Variants in TNN observed in about 807,000 individuals in gnomAD.
TNN encodes the protein tenascin N, also known as tenascin-N.
TNN carries 122 observed loss-of-function variants against 134.4 expected under a neutral mutation model. The ratio of observed to expected loss-of-function variants is 0.91; its 90% CI spans 0.78 to 1.06. The LOEUF (loss-of-function observed/expected upper bound fraction) is 1.06. TNN is among the 50% of genes least tolerant of loss of function. The pLI, the probability that TNN is intolerant of heterozygous loss-of-function variation, is 0.00. For missense variants in TNN, 1,739 were observed against 1,699.4 expected (o/e 1.02, Z -0.41); for synonymous variants, 710 against 670.3 (o/e 1.06, Z -0.91).
rs1393772538 is a variant in TNN, at chr1:175,146,798, TTCTC to T, written c.3760-128_3760-125del. ...CCTCCCTTCTCATCACCCCGTCTCT[TTCTC>T]TCTCCTGAGCAGAGAGGGAGTGGTT... On this transcript the variant is annotated intron_variant, in intron 18 of 18. Transcript: ENST00000239462. The T allele has an allele frequency of 1.1e-5, 9 of 854,414 alleles. No individual in the cohort carries two copies. In the East Asian group the frequency reaches 1.2e-4, roughly 12 times the overall value. 52.9% of individuals were successfully genotyped at this position (854,414 alleles called of 1,614,324 possible).
chr1:175,083,891 C>T lies in TNN; in HGVS notation c.1190C>T (p.Thr397Ile), dbSNP rs780634544. The change falls in exon 5 of 19, where the codon ACT becomes ATT. Residue 397 changes from threonine to isoleucine, a missense_variant. By Grantham distance (89) the Thr-to-Ile change is moderately conservative. Transcript: ENST00000239462. ...ACAGGACAGGAGGTAGCTGAGGTCA[C>T]TGTGCCCAAGAGCAGTGACCCCAAG... is the stretch of plus-strand genomic sequence containing the variant. ...PMTGQEVAEVTVPKSSDPKSR... is the reference protein window; with the variant it reads ...PMTGQEVAEVIVPKSSDPKSR... 5 of 1,614,158 alleles carry T rather than the reference C, an allele frequency of 3.1e-6. No individual in the cohort carries two copies. In the Admixed American group the frequency reaches 5.0e-5, roughly 16 times the overall value.
intron 18 of TNN, among the ~76,000 whole-genome samples, chr1:175,145,618 G>A (rs1676046347): frequency 7.1e-6 from 1 of 140,870 alleles, no homozygotes; most frequent in African/African-American, 2.6e-5. Context: ...AGTCTTTTGT[G>A]CCTTAGGTCA....
At position 175,079,522 on chromosome 1, in the gene TNN, C is replaced by A. The variant is rs775730066; in HGVS notation, c.599C>A (p.Pro200Gln). 1 of 1,563,248 alleles carries A rather than the reference C, an allele frequency of 6.4e-7. No individual in the cohort carries two copies. Among genetic ancestry groups the A allele is most frequent in the South Asian group, 1.2e-5 (1 of 85,796 alleles). ...EPYVGADCGYPACPENCSGHG... is the reference protein window; with the variant it reads ...EPYVGADCGYQACPENCSGHG... ...TACGTGGGTGCCGACTGCGGCTACC[C>A]GGCCTGCCCTGAGAACTGCAGCGGA... Residue 200 changes from proline (P) to glutamine (Q), a missense_variant, in exon 3 of 19, where the codon CCG (proline) becomes CAG (glutamine). Pro to Gln is a moderately conservative substitution (Grantham distance 76). Transcript: ENST00000239462.
intron 15 of TNN, among the ~76,000 whole-genome samples, chr1:175,130,340 A>C (rs1263759806): frequency 6.6e-6 from 1 of 152,234 alleles, no homozygotes. Flanking sequence ...GCACAGCGAC[A>C]TCTGACGGTT....
Position 175,144,417 on chromosome 1 carries a change from A to C in TNN, c.3626A>C (p.Lys1209Thr). Residue 1209 changes from lysine (K) to threonine (T), a missense_variant, in exon 18 of 19, where the codon AAG (lysine) becomes ACG (threonine). By Grantham distance (78) the Lys-to-Thr change is moderately conservative. Transcript: ENST00000239462. ...GCTCTTACTTACCACAATGGATGGAAGTTTACAACTTTTGACAGAGACAAT... is the reference window on the plus strand; with the variant it reads ...GCTCTTACTTACCACAATGGATGGACGTTTACAACTTTTGACAGAGACAAT... ...GDALTYHNGW[K>T]FTTFDRDNDI... 6.2e-7 allele frequency: 1 copy of C among 1,614,142 alleles called. No homozygotes were observed.
intron 15 of TNN, among the ~76,000 whole-genome samples, chr1:175,132,366 A>G (rs1675697249): frequency 6.6e-6 from 1 of 152,206 alleles, no homozygotes; most frequent in Non-Finnish European, 1.5e-5. Context: ...ACATCTGTCA[A>G]ATGGCATCAT....
Position 175,094,014 on chromosome 1 carries a change from T to A in TNN, c.1349T>A (p.Val450Asp). 1.2e-6 allele frequency: 2 copies of A among 1,606,900 alleles called. No homozygotes were observed. Among genetic ancestry groups the A allele is most frequent in the Non-Finnish European group, 1.7e-6 (2 of 1,174,416 alleles). ...RTEIDSPTNV[V>D]TDRVTEDTAT... ...GAAATTGACAGTCCAACCAATGTTG[T>A]CACTGATCGAGTGACTGAAGACACA... The change falls in exon 7 of 19, where the codon GTC becomes GAC. Residue 450 changes from valine to aspartate, a missense_variant. Coordinates refer to ENST00000239462, the MANE Select transcript of TNN (RefSeq NM_022093.2).
intron 6 of TNN, among the ~76,000 whole-genome samples, chr1:175,092,008 G>C (rs780634697): frequency 6.6e-6 from 1 of 152,192 alleles, no homozygotes; most frequent in Non-Finnish European, 1.5e-5. Flanking sequence ...TGGGGTGGGA[G>C]GCACTGCTGG....
Position 175,097,534 on chromosome 1 carries a change from A to C in TNN, c.1706A>C (p.Asp569Ala). The part of the protein sequence containing the change: ...DKYVVRYTSA[D>A]DQETREVLVG... The stretch of plus-strand genomic sequence containing the variant: ...TACGTGGTGCGCTACACCTCTGCTG[A>C]CGACCAAGAGACCAGAGAGGTTCTG... Residue 569 changes from aspartate to alanine, a missense_variant, in exon 8 of 19, where the codon GAC becomes GCC. Asp to Ala is a moderately radical substitution (Grantham distance 126, BLOSUM62 -2). Transcript: ENST00000239462. 6.2e-7 allele frequency: 1 copy of C among 1,614,154 alleles called. No homozygotes were observed. The highest frequency in any genetic ancestry group is 8.5e-7 in the Non-Finnish European group (1 of 1,180,034).
At chr1:175,146,168 G>C (rs1444711558) in intron 18 of TNN, among the ~76,000 whole-genome samples, 1 of 152,172 alleles carries the variant, frequency 6.6e-6, no homozygotes, top group Non-Finnish European at 1.5e-5. Flanking sequence ...TGGTGGCAGC[G>C]TGTGGGCTGA....
rs1310751546 is a variant in TNN at position 175,128,040 on chromosome 1, GC to G, written c.3055del (p.Leu1019TrpfsTer119). On this transcript the variant is annotated frameshift_variant, in exon 14 of 19. Coordinates refer to ENST00000239462, the MANE Select transcript of TNN (RefSeq NM_022093.2). LOFTEE classifies it high-confidence loss of function. ...TCTCCCTTGTTTGGTAGGAGATGCA[GC>G]TGGGACGGGAAGACCAGAGGTTTGC... is the stretch of plus-strand genomic sequence containing the variant. ...FPDGTVKEMQ[L>X]GREDQRFALQ... 1 of 1,614,160 alleles carries G rather than the reference GC, an allele frequency of 6.2e-7. No individual in the cohort carries two copies. The highest frequency in any genetic ancestry group is 1.1e-5 in the South Asian group (1 of 91,086).
intron 11 of TNN, among the ~76,000 whole-genome samples, chr1:175,120,257 T>C (rs946708795): frequency 6.6e-6 from 1 of 152,160 alleles, no homozygotes; most frequent in Admixed American, 6.5e-5. Context: ...AGAGTGAAGA[T>C]AGACAATAAA....
At chr1:175,081,850 G>A (rs1437246160) in intron 4 of TNN, among the ~76,000 whole-genome samples, 1 of 152,202 alleles carries the variant, frequency 6.6e-6, no homozygotes, top group African/African-American at 2.4e-5. Flanking sequence ...ATTGGGTGCT[G>A]TCAAGAAGTG....
chr1:175,141,863 TC>T (rs1675951472), intron 17 of TNN, among the ~76,000 whole-genome samples: 1 of 152,182 alleles, frequency 6.6e-6, no homozygotes. Flanking sequence ...TAGGATGGCT[TC>T]AGTTTCTAGA....
chr1:175,094,591 C>A (rs1674528376), intron 7 of TNN, among the ~76,000 whole-genome samples: 1 of 152,152 alleles, frequency 6.6e-6, no homozygotes, highest in Non-Finnish European at 1.5e-5. Flanking sequence ...ATGCTTATCT[C>A]AGTTTGCAGT....
rs779865420 is a variant in TNN at position 175,128,726 on chromosome 1, A to G, written c.3310A>G (p.Thr1104Ala). Residue 1104 changes from threonine (T) to alanine (A), a missense_variant, in exon 15 of 19, where the codon ACG becomes GCG. Thr to Ala is a moderately conservative substitution (Grantham distance 58). Coordinates refer to ENST00000239462, the MANE Select transcript of TNN (RefSeq NM_022093.2). Reference protein sequence around the residue: ...RPLQVYCDMETDGGGWIVFQR... With the variant: ...RPLQVYCDMEADGGGWIVFQR... ...CCTGCAGGTGTACTGTGACATGGAAACGGACGGAGGTGGCTGGATTGTGAG... is the reference window on the plus strand; with the variant it reads ...CCTGCAGGTGTACTGTGACATGGAAGCGGACGGAGGTGGCTGGATTGTGAG... 1.2e-5 allele frequency: 19 copies of G among 1,613,496 alleles called. No homozygotes were observed. The highest frequency in any genetic ancestry group is 2.2e-5 in the South Asian group (2 of 91,006).
Position 175,123,435 on chromosome 1 carries a change from G to C in TNN, c.2686G>C (p.Val896Leu). 1 of 1,614,180 alleles carries C rather than the reference G, an allele frequency of 6.2e-7. No individual in the cohort carries two copies. The highest frequency in any genetic ancestry group is 8.5e-7 in the Non-Finnish European group (1 of 1,180,032). The change falls in exon 12 of 19, where the codon GTG (valine) becomes CTG (leucine). Residue 896 changes from valine (V) to leucine (L), a missense_variant. Physicochemically the swap from Val to Leu is conservative, Grantham distance 32. Transcript: ENST00000239462. ...DGPKNLVTDW[V>L]TENMATVSWD... ...CCCCAAAAACCTAGTGACTGACTGGGTGACGGAGAATATGGCCACTGTCTC... is the reference window on the plus strand; with the variant it reads ...CCCCAAAAACCTAGTGACTGACTGGCTGACGGAGAATATGGCCACTGTCTC...
At chr1:175,078,588 AG>A (rs1674110447) in intron 2 of TNN, among the ~76,000 whole-genome samples, 1 of 152,192 alleles carries the variant, frequency 6.6e-6, no homozygotes, top group South Asian at 2.1e-4. Flanking sequence ...ACTCGGCACC[AG>A]GGACACTGCC....
At position 175,098,498 on chromosome 1, in the gene TNN, C is replaced by T. The variant is rs1419000970; in HGVS notation, c.2022C>T (p.Val674=). 3 of 1,614,008 alleles carry T rather than the reference C, an allele frequency of 1.9e-6. No individual in the cohort carries two copies. The highest frequency in any genetic ancestry group is 2.5e-6 in the Non-Finnish European group (3 of 1,180,042). ...TGGGGAAGGAGCAGAGCAGCACAGT[C>T]CTGACAGGCCTGAGACCGGGTATGG... ...VPVGKEQSST[V]LTGLRPGMEY... is the part of the protein sequence containing the mutation. The change falls in exon 9 of 19, where the codon GTC becomes GTT. Residue 674 remains valine, a synonymous_variant. Transcript: ENST00000239462.
Sources: gnomAD v4.1 joint callset for allele counts (sites outside exome capture counted in the v4.1 genomes callset) on GRCh38, gnomAD v4.1.1 for gene constraint, MANE v1.5 for transcripts, NCBI Gene and HGNC (gene_info 2026-07-23, HGNC 2026-07-21) for gene names.